The following ETV6 variants were observed in gnomAD, a reference collection of about 807,000 sequenced individuals.
ETV6 encodes the protein transcription factor ETV6.
In ETV6, 16 loss-of-function variants were observed where a neutral mutation model predicts 51.1. That is an observed-to-expected ratio of 0.31 (90% CI 0.21 to 0.48). The LOEUF (loss-of-function observed/expected upper bound fraction) is 0.48. Ranked by LOEUF, ETV6 falls within the 20% of genes least tolerant of loss-of-function variation. The probability of loss-of-function intolerance (pLI) is 0.99; values close to 1 mark genes in which losing one functional copy is unlikely to be tolerated. For synonymous variants in ETV6, 240 were observed against 224.1 expected, an observed-to-expected ratio of 1.07 and a Z score of -0.64; for missense variants, 458 against 594.8, an observed-to-expected ratio of 0.77 and a Z score of 2.39.
intron 2 of ETV6, among the ~76,000 whole-genome samples, chr12:11,784,477 A>T (rs925353807): frequency 6.7e-6 from 1 of 148,776 alleles, no homozygotes; most frequent in South Asian, 2.1e-4. Flanking sequence ...AAAAAAAAAG[A>T]TACAGAATTT....
At chr12:11,821,819 G>C (rs540135601) in intron 2 of ETV6, among the ~76,000 whole-genome samples, 1 of 152,286 alleles carries the variant, frequency 6.6e-6, no homozygotes, top group African/African-American at 2.4e-5. Flanking sequence ...CAACTCTGTT[G>C]TCTGGGCAAC....
chr12:11,894,854 C>G lies in ETV6; in HGVS notation c.*3808C>G. The stretch of plus-strand genomic sequence containing the variant: ...CTCACCCTGTGTGGCTCATTCCCAC[C>G]CAGGAAACTGAAGATAAAAGATTTG... On this transcript the variant is annotated 3_prime_UTR_variant, in exon 8 of 8. Coordinates refer to ENST00000396373, the MANE Select transcript of ETV6 (RefSeq NM_001987.5). 1 of 233,568 alleles carries G rather than the reference C, an allele frequency of 4.3e-6. No individual in the cohort carries two copies. Among genetic ancestry groups the G allele is most frequent in the Non-Finnish European group, 8.5e-6 (1 of 118,022 alleles). The allele number at this position is 233,568 out of a possible 1,614,324, so 14.5% of individuals were successfully genotyped here. A position where few individuals can be genotyped will look rare whatever the true frequency, so the allele number is the denominator to read the frequency against.
At chr12:11,846,169 CAGAG>C (rs1946460569) in intron 3 of ETV6, among the ~76,000 whole-genome samples, 1 of 150,686 alleles carries the variant, frequency 6.6e-6, no homozygotes, top group African/African-American at 2.5e-5. Flanking sequence ...AAGGGCCCAA[CAGAG>C]AGAACATTCT....
At chr12:11,830,037 G>A (rs1291662402) in intron 2 of ETV6, among the ~76,000 whole-genome samples, 1 of 152,128 alleles carries the variant, frequency 6.6e-6, no homozygotes, top group Non-Finnish European at 1.5e-5. Flanking sequence ...CGGTGGGGAA[G>A]GGAAAGGAGG....
chr12:11,861,775 T>A (rs1220969598), intron 4 of ETV6, among the ~76,000 whole-genome samples: 2 of 152,156 alleles, frequency 1.3e-5, no homozygotes, highest in Non-Finnish European at 2.9e-5. Flanking sequence ...CTTGCTCTTT[T>A]CCCCACTCCA....
chr12:11,880,914 C>T (rs759101693), intron 5 of ETV6, among the ~76,000 whole-genome samples: 2 of 152,150 alleles, frequency 1.3e-5, no homozygotes, highest in African/African-American at 4.8e-5. Flanking sequence ...AAACTACTTT[C>T]GTTCGTCCTG....
In ETV6 at chr12:11,869,361, C is replaced by T; in HGVS notation, c.464-63C>T. 2 of 1,487,816 alleles carry T rather than the reference C, an allele frequency of 1.3e-6. No individual in the cohort carries two copies. Among genetic ancestry groups the T allele is most frequent in the South Asian group, 1.3e-5 (1 of 79,044 alleles). 92.2% of individuals were successfully genotyped at this position (1,487,816 alleles called of 1,614,324 possible). On this transcript the variant is annotated intron_variant, in intron 4 of 7. Transcript: ENST00000396373. This position sits in a 1 kb window ranked among gnomAD's most constrained non-coding sequence, Gnocchi z 5.0. ...CCTCCATTTACCGCCTGTAGAGCCG[C>T]AGGGAGTTTCCTGTCCTGCCAACTC...
chr12:11,785,559 A>G (rs1301056532), intron 2 of ETV6, among the ~76,000 whole-genome samples: 1 of 152,206 alleles, frequency 6.6e-6, no homozygotes, highest in Non-Finnish European at 1.5e-5. Context: ...CTCAATAAGT[A>G]TTTGTTGAAT....
intron 1 of ETV6, among the ~76,000 whole-genome samples, chr12:11,728,946 ATTC>A (rs2120967628): frequency 6.6e-6 from 1 of 152,334 alleles, no homozygotes; most frequent in Non-Finnish European, 1.5e-5. Flanking sequence ...ACAATTTAAT[ATTC>A]TTCTTTAGCA....
chr12:11,724,158 G>C (rs1280350256), intron 1 of ETV6, among the ~76,000 whole-genome samples: 2 of 152,108 alleles, frequency 1.3e-5, no homozygotes, highest in Non-Finnish European at 2.9e-5. Flanking sequence ...AAGCAGGTCA[G>C]CTGCCTGAGT....
intron 2 of ETV6, among the ~76,000 whole-genome samples, chr12:11,758,946 G>A (rs556545911): frequency 9.2e-5 from 14 of 152,154 alleles, no homozygotes; most frequent in South Asian, 4.2e-4. Context: ...CTTTCCCCGC[G>A]GCACATGTGG....
chr12:11,655,396 C>G (rs1413391174), intron 1 of ETV6, among the ~76,000 whole-genome samples: 1 of 152,024 alleles, frequency 6.6e-6, no homozygotes, highest in Non-Finnish European at 1.5e-5. Context: ...CAAAAGGGAC[C>G]CAGCTTAAAG....
intron 2 of ETV6, among the ~76,000 whole-genome samples, chr12:11,796,628 C>T (rs565372216): frequency 6.3e-4 from 96 of 152,226 alleles, no homozygotes; most frequent in Middle Eastern, 3.2e-3. Flanking sequence ...GAAACCAGAG[C>T]TTCCGCTGTG....
chr12:11,829,524 G>A (rs925242384), intron 2 of ETV6, among the ~76,000 whole-genome samples: 8 of 152,064 alleles, frequency 5.3e-5, no homozygotes, highest in African/African-American at 1.7e-4. Flanking sequence ...CACCACATTG[G>A]GCTTGCTACC....
At chr12:11,886,582 C>T (rs989727908) in intron 7 of ETV6, among the ~76,000 whole-genome samples, 2 of 151,980 alleles carry the variant, frequency 1.3e-5, no homozygotes, top group South Asian at 2.1e-4. Flanking sequence ...TGTGTATGTA[C>T]GTGATGAGTC....
At chr12:11,728,983 A>G (rs905571550) in intron 1 of ETV6, among the ~76,000 whole-genome samples, 3 of 152,228 alleles carry the variant, frequency 2.0e-5, no homozygotes, top group Non-Finnish European at 4.4e-5. Flanking sequence ...AAATGATAAT[A>G]TGTACTACGG....
intron 7 of ETV6, 137 bp downstream of exon 7, chr12:11,886,163 C>T (rs546055026): frequency 2.1e-5 from 14 of 671,592 alleles, no homozygotes; most frequent in Non-Finnish European, 3.2e-5. Flanking sequence ...AAACTGGATA[C>T]CAGGTACTGG....
rs534511131 is a variant in ETV6 at position 11,853,532 on chromosome 12, A to G, written c.434A>G (p.Glu145Gly). The G allele has an allele frequency of 6.2e-7, 1 of 1,614,256 alleles. No individual in the cohort carries two copies. Among genetic ancestry groups the G allele is most frequent in the African/African-American group, 1.3e-5 (1 of 75,066 alleles). ...GGAAACTCTATACACACACAGCCGG[A>G]GGTCATACTGCATCAGAACCATGAA... Reference protein sequence around the residue: ...HPGNSIHTQPEVILHQNHEED... With the variant: ...HPGNSIHTQPGVILHQNHEED... Residue 145 changes from glutamate (E) to glycine (G), a missense_variant, in exon 4 of 8, where the codon GAG becomes GGG. By Grantham distance (98) the Glu-to-Gly change is moderately conservative. Around this residue, in one of 4 missense-constraint regions of ETV6, gnomAD observed 293 missense variants for 315.7 expected, o/e 0.93. Transcript: ENST00000396373.
chr12:11,770,065 A>G (rs762464435), intron 2 of ETV6, among the ~76,000 whole-genome samples: 1 of 152,334 alleles, frequency 6.6e-6, no homozygotes, highest in African/African-American at 2.4e-5. Flanking sequence ...ATCAAAAAAA[A>G]GGTAGAAAGT....
Sources: allele counts gnomAD v4.1 joint callset (sites outside exome capture counted in the v4.1 genomes callset), GRCh38; gene constraint gnomAD v4.1.1; regional missense constraint gnomAD v4.1.1; non-coding constraint Gnocchi (gnomAD v3.1); transcripts MANE v1.5; gene names NCBI Gene and HGNC (gene_info 2026-07-23, HGNC 2026-07-21).